Variants in RIMKLA observed in about 807,000 individuals in gnomAD.
The protein encoded by RIMKLA is N-acetylaspartylglutamate synthase A.
RIMKLA carries 14 observed loss-of-function variants against 32.7 expected under a neutral mutation model. That is an observed-to-expected ratio of 0.43 (90% CI 0.28 to 0.67). The LOEUF is 0.67. Ranked by LOEUF, RIMKLA falls within the 30% of genes least tolerant of loss-of-function variation. RIMKLA has a pLI of 0.18. For missense variants in RIMKLA, 410 were observed against 519.0 expected (o/e 0.79, Z 2.04); for synonymous variants, 176 against 204.1 (o/e 0.86, Z 1.18).
Position 42,404,528 on chromosome 1 carries a change from T to G in RIMKLA, c.412T>G (p.Ser138Ala), listed in dbSNP as rs1643127718. The change falls in exon 3 of 5, where the codon TCA becomes GCA. Residue 138 changes from serine (S) to alanine (A), a missense_variant. By Grantham distance (99) the Ser-to-Ala change is moderately conservative. Transcript: ENST00000431473. Reference protein sequence around the residue: ...TFSYGGHEDFSKMIDEAEPLG... With the variant: ...TFSYGGHEDFAKMIDEAEPLG... The stretch of plus-strand genomic sequence containing the variant: ...CTTGGCAGGTGGGCATGAAGACTTT[T>G]CAAAAATGATTGATGAAGCTGAGCC... 6.2e-7 allele frequency: 1 copy of G among 1,613,564 alleles called. No homozygotes were observed. The highest frequency in any genetic ancestry group is 1.3e-5 in the African/African-American group (1 of 74,902).
At chr1:42,411,871 C>T (rs563357465) in intron 4 of RIMKLA, among the ~76,000 whole-genome samples, 12 of 152,052 alleles carry the variant, frequency 7.9e-5, no homozygotes, top group South Asian at 2.1e-4. Flanking sequence ...AGGGTTTCAC[C>T]GTGTTAGCCG....
At chr1:42,405,686 A>G (rs1011993128) in intron 3 of RIMKLA, among the ~76,000 whole-genome samples, 1 of 152,244 alleles carries the variant, frequency 6.6e-6, no homozygotes, top group Non-Finnish European at 1.5e-5. Flanking sequence ...AGACCCAGTC[A>G]CTGATCTCGA....
intron 1 of RIMKLA, among the ~76,000 whole-genome samples, chr1:42,393,664 A>G (rs1457176366): frequency 6.6e-6 from 1 of 152,324 alleles, no homozygotes; most frequent in South Asian, 2.1e-4. Context: ...CTGTGGGTGG[A>G]GTAGGAAGAA....
At chr1:42,386,336 T>A (rs1642946728) in intron 1 of RIMKLA, among the ~76,000 whole-genome samples, 1 of 151,874 alleles carries the variant, frequency 6.6e-6, no homozygotes, top group Admixed American at 6.6e-5. Context: ...GTTTGTGTCA[T>A]CTCCACCCAT....
At chr1:42,402,291 A>T (rs1008681352) in intron 2 of RIMKLA, among the ~76,000 whole-genome samples, 5 of 152,230 alleles carry the variant, frequency 3.3e-5, no homozygotes, top group African/African-American at 1.2e-4. Flanking sequence ...AAGACAGCAG[A>T]TGGAGTTGGT....
At chr1:42,397,241 G>T (rs1162954659) in intron 1 of RIMKLA, among the ~76,000 whole-genome samples, 1 of 152,126 alleles carries the variant, frequency 6.6e-6, no homozygotes, top group African/African-American at 2.4e-5. Context: ...AGTTTTGTGG[G>T]TGTTTTGTTT....
chr1:42,416,088 G>C lies in RIMKLA; in HGVS notation c.*1114G>C, dbSNP rs1325983577. On this transcript the variant is annotated 3_prime_UTR_variant, in exon 5 of 5. Transcript: ENST00000431473. ...AGGAATTACCCATTGCACATTTTGC[G>C]GGGGGGGGGGCTAATGTAGACATGA... 5 of 28,590 alleles carry C rather than the reference G, an allele frequency of 1.7e-4. 1 individual carries two copies. Among genetic ancestry groups the C allele is most frequent in the Non-Finnish European group, 3.0e-4 (4 of 13,514 alleles). 1.8% of individuals were successfully genotyped at this position (28,590 alleles called of 1,614,324 possible).
At chr1:42,401,167 A>G (rs1316973035) in intron 2 of RIMKLA, among the ~76,000 whole-genome samples, 1 of 152,056 alleles carries the variant, frequency 6.6e-6, no homozygotes, top group Non-Finnish European at 1.5e-5. Context: ...GCAGTTCATA[A>G]TAGGGTTAGA....
intron 2 of RIMKLA, among the ~76,000 whole-genome samples, chr1:42,402,444 TGC>T (rs1310405509): frequency 6.6e-6 from 1 of 152,154 alleles, no homozygotes; most frequent in Non-Finnish European, 1.5e-5. Context: ...ATCATTGTGT[TGC>T]CATGTGAGGA....
intron 1 of RIMKLA, among the ~76,000 whole-genome samples, chr1:42,390,792 C>T (rs1030054697): frequency 8.5e-5 from 13 of 152,124 alleles, no homozygotes; most frequent in African/African-American, 3.1e-4. Flanking sequence ...GACAAGTCAG[C>T]AGGTTTGTGT....
In RIMKLA at chr1:42,421,379, GAA is replaced by G. The variant is rs1643294132; in HGVS notation, c.*6406_*6407del. 2 of 152,294 alleles carry G rather than the reference GAA, an allele frequency of 1.3e-5. No homozygotes were observed. The highest frequency in any genetic ancestry group is 2.4e-5 in the African/African-American group (1 of 41,426). 9.4% of individuals were successfully genotyped at this position (152,294 alleles called of 1,614,324 possible). A position where few individuals can be genotyped will look rare whatever the true frequency, so the allele number is the denominator to read the frequency against. On this transcript the variant is annotated 3_prime_UTR_variant, in exon 5 of 5. Transcript: ENST00000431473. This position sits in a 1 kb window ranked among gnomAD's most constrained non-coding sequence, Gnocchi z 4.6. ...TCAAATAGAGGGTGAGGGGAGTGCA[GAA>G]GGCTGGGGGAAGGAGGGGCTGTGTG...
intron 3 of RIMKLA, among the ~76,000 whole-genome samples, chr1:42,405,585 G>A (rs12403091): frequency 0.18 from 26,965 of 152,114 alleles, 2,495 homozygotes; most frequent in East Asian, 0.22. Flanking sequence ...TATGGTGTAG[G>A]GACTATGCAA....
At chr1:42,399,913 C>T (rs534857949) in intron 2 of RIMKLA, among the ~76,000 whole-genome samples, 1 of 152,334 alleles carries the variant, frequency 6.6e-6, no homozygotes, top group East Asian at 1.9e-4. Context: ...TCAAGGCATT[C>T]CCAGTTCATC....
At chr1:42,397,116 A>G (rs2148388483) in intron 1 of RIMKLA, among the ~76,000 whole-genome samples, 3 of 152,298 alleles carry the variant, frequency 2.0e-5, no homozygotes, top group Middle Eastern at 6.8e-3. Flanking sequence ...GACTCACATG[A>G]TCAGCGGAAG....
At chr1:42,393,022 G>A (rs143099263) in intron 1 of RIMKLA, among the ~76,000 whole-genome samples, 82 of 152,158 alleles carry the variant, frequency 5.4e-4, no homozygotes, top group African/African-American at 2.0e-3. Flanking sequence ...TCAACTCCCT[G>A]GCCTCTCAGG....
chr1:42,382,552 C>T (rs1642898447), intron 1 of RIMKLA, among the ~76,000 whole-genome samples: 1 of 152,180 alleles, frequency 6.6e-6, no homozygotes, highest in African/African-American at 2.4e-5. Context: ...AAGTAGTTAA[C>T]ATGTACATCT....
chr1:42,387,649 C>G (rs780287048), intron 1 of RIMKLA, among the ~76,000 whole-genome samples: 3 of 152,120 alleles, frequency 2.0e-5, no homozygotes, highest in Non-Finnish European at 4.4e-5. Flanking sequence ...AGAGTGGGAA[C>G]AGAGGCAGGC....
chr1:42,400,968 A>G (rs1643091866), intron 2 of RIMKLA, among the ~76,000 whole-genome samples: 1 of 152,052 alleles, frequency 6.6e-6, no homozygotes, highest in Non-Finnish European at 1.5e-5. Flanking sequence ...TTTTTTTAAA[A>G]GAGGGAATCC....
chr1:42,409,657 A>C (rs1234100461), intron 3 of RIMKLA, among the ~76,000 whole-genome samples: 2 of 152,220 alleles, frequency 1.3e-5, no homozygotes, highest in Non-Finnish European at 2.9e-5. Flanking sequence ...GGGTGATGGG[A>C]GATGCTAATT....
Sources: gnomAD v4.1 joint callset for allele counts (sites outside exome capture counted in the v4.1 genomes callset) on GRCh38, gnomAD v4.1.1 for gene constraint, Gnocchi (gnomAD v3.1) non-coding constraint, MANE v1.5 for transcripts, NCBI Gene and HGNC (gene_info 2026-07-23, HGNC 2026-07-21) for gene names.